The following TLN2 variants were observed in gnomAD, a reference collection of about 807,000 sequenced individuals.
TLN2 encodes the protein talin 2, also known as talin-2.
Under a neutral mutation model 294.7 loss-of-function variants are expected in TLN2, and 118 were observed. The ratio of observed to expected loss-of-function variants is 0.40; its 90% CI spans 0.34 to 0.47. The LOEUF is 0.47. TLN2 is among the 20% of genes least tolerant of loss of function. TLN2 has a pLI of 0.84. For missense variants in TLN2, 3,083 were observed against 3,282.2 expected, an observed-to-expected ratio of 0.94 and a Z score of 1.48; for synonymous variants, 1,431 against 1,304.5, an observed-to-expected ratio of 1.10 and a Z score of -2.09.
intron 5 of TLN2, among the ~76,000 whole-genome samples, chr15:62,651,002 T>A (rs993079027): frequency 6.6e-6 from 1 of 152,184 alleles, no homozygotes; most frequent in Admixed American, 6.5e-5. Context: ...ATGATGAGGA[T>A]GCTATTTATG....
intron 1 of TLN2, among the ~76,000 whole-genome samples, chr15:62,409,113 G>C (rs1205030104): frequency 6.6e-6 from 1 of 151,724 alleles, no homozygotes; most frequent in African/African-American, 2.4e-5. Flanking sequence ...AAGTAGCTGG[G>C]ACCACAGGTG....
chr15:62,519,333 T>A (rs1021174378), intron 1 of TLN2, among the ~76,000 whole-genome samples: 4 of 152,236 alleles, frequency 2.6e-5, no homozygotes, highest in Non-Finnish European at 4.4e-5. Flanking sequence ...TAAATATTAA[T>A]GACAGCCCAA....
intron 1 of TLN2, among the ~76,000 whole-genome samples, chr15:62,426,221 G>T (rs2034699072): frequency 6.6e-6 from 1 of 152,208 alleles, no homozygotes; most frequent in Non-Finnish European, 1.5e-5. Context: ...TGAGGGGGCT[G>T]CCAAGTGCCT....
At chr15:62,457,274 G>A (rs1407801681) in intron 1 of TLN2, among the ~76,000 whole-genome samples, 1 of 152,156 alleles carries the variant, frequency 6.6e-6, no homozygotes, top group African/African-American at 2.4e-5. Context: ...GAGCGTGCGA[G>A]CGTGCATGCA....
chr15:62,451,506 A>C (rs151122390), intron 1 of TLN2, among the ~76,000 whole-genome samples: 1,743 of 152,288 alleles, frequency 0.011, 27 homozygotes, highest in African/African-American at 0.039. Context: ...AAATACAAAA[A>C]ATTAGCTAGG....
chr15:62,485,755 C>T (rs1387705290), intron 1 of TLN2, among the ~76,000 whole-genome samples: 1 of 152,162 alleles, frequency 6.6e-6, no homozygotes, highest in Non-Finnish European at 1.5e-5. Context: ...CGCTTCCTGG[C>T]TCAATCTGTG....
chr15:62,820,245 C>G (rs1170023437), intron 53 of TLN2, among the ~76,000 whole-genome samples: 1 of 152,090 alleles, frequency 6.6e-6, no homozygotes, highest in Non-Finnish European at 1.5e-5. Context: ...TTTGAAGCTG[C>G]TTGGTGACTG....
At chr15:62,682,459 C>T (rs1007870425) in intron 11 of TLN2, among the ~76,000 whole-genome samples, 6 of 152,154 alleles carry the variant, frequency 3.9e-5, no homozygotes, top group Non-Finnish European at 2.9e-5. Flanking sequence ...CAGCAGTATT[C>T]TCAGTGGCTA....
intron 40 of TLN2, among the ~76,000 whole-genome samples, chr15:62,765,193 T>C (rs6494351): frequency 0.15 from 22,118 of 152,092 alleles, 2,542 homozygotes; most frequent in African/African-American, 0.29. Context: ...TGGAATATTC[T>C]TGTGTTCTTG....
chr15:62,776,245 A>G (rs1018472822), intron 42 of TLN2, among the ~76,000 whole-genome samples: 6 of 152,092 alleles, frequency 3.9e-5, no homozygotes, highest in African/African-American at 1.4e-4. Flanking sequence ...CATTTCTCCA[A>G]CCTCATGGCA....
At chr15:62,784,289 G>A in intron 45 of TLN2, 1 of 317,618 alleles carries the variant, frequency 3.1e-6, no homozygotes, top group Non-Finnish European at 5.7e-6. Context: ...CAGAAGTGTT[G>A]AAAGATTCAA....
At position 62,689,877 on chromosome 15, in the gene TLN2, T is replaced by TTTTTTTTTTTTTTTTTTTTTTA. The variant is rs71131119; in HGVS notation, c.1114-2963_1114-2962insTTTTTTTTTTTTTTTTTTTTTA. 1.5e-3 allele frequency among the ~76,000 whole-genome samples: 15 copies of TTTTTTTTTTTTTTTTTTTTTTA among 9,848 alleles called. 6 individuals carry two copies. Among genetic ancestry groups the TTTTTTTTTTTTTTTTTTTTTTA allele is most frequent in the Non-Finnish European group, 2.9e-3 (10 of 3,428 alleles). The allele number at this position is 9,848 out of a possible 152,430, so 6.5% of individuals were successfully genotyped here. On this transcript the variant is annotated intron_variant, in intron 12 of 58. Coordinates refer to ENST00000636159, the MANE Select transcript of TLN2 (RefSeq NM_015059.3). ...TTTTTTTTTTTTTTTTTTTTTTTTTTATTGGCTGACCCCCCTTCCTCCCTC... is the reference window on the plus strand; with the variant it reads ...TTTTTTTTTTTTTTTTTTTTTTTTTTTTTTTTTTTTTTTTTTTTTTTAATTGGCTGACCCCCCTTCCTCCCTC...
chr15:62,411,163 C>G (rs576196830), intron 1 of TLN2, among the ~76,000 whole-genome samples: 1 of 152,250 alleles, frequency 6.6e-6, no homozygotes, highest in African/African-American at 2.4e-5. Flanking sequence ...GGCATTAAAA[C>G]AAACCAAAGA....
At chr15:62,673,761 TCTTTG>T in intron 9 of TLN2, 61 bp from the exon 10 acceptor site, 1 of 1,287,850 alleles carries the variant, frequency 7.8e-7, no homozygotes, top group African/African-American at 1.5e-5. Flanking sequence ...TTATTAAATG[TCTTTG>T]CTTTGCTTCT....
intron 1 of TLN2, among the ~76,000 whole-genome samples, chr15:62,575,234 C>T (rs879488766): frequency 6.6e-6 from 1 of 152,082 alleles, no homozygotes; most frequent in Non-Finnish European, 1.5e-5. Flanking sequence ...GTGGGAGGAT[C>T]GCTTGAGCCT....
At position 62,677,806 on chromosome 15, in the gene TLN2, C is replaced by CTTTTTTTTTTTTTTTTTTTTTTTTTT. The variant is rs3055781; in HGVS notation, c.957+2500_957+2501insTTTTTTTTTTTTTTTTTTTTTTTTTT. Among the ~76,000 whole-genome samples, 2 of 75,252 alleles carry CTTTTTTTTTTTTTTTTTTTTTTTTTT rather than the reference C, an allele frequency of 2.7e-5. 1 individual carries two copies. 49.4% of individuals were successfully genotyped at this position (75,252 alleles called of 152,430 possible). A position where few individuals can be genotyped will look rare whatever the true frequency, so the allele number is the denominator to read the frequency against. On this transcript the variant is annotated intron_variant, in intron 11 of 58. Transcript: ENST00000636159. ...TTAAGAAAGTAGGCAGCACTTGCAA[C>CTTTTTTTTTTTTTTTTTTTTTTTTTT]TTTTTTTTTTTTTTTGAGACGGAGA...
At chr15:62,640,399 C>T (rs1404051455) in intron 3 of TLN2, 3 of 455,164 alleles carry the variant, frequency 6.6e-6, no homozygotes, top group South Asian at 4.7e-5. Context: ...GTGGCCAGCT[C>T]TTACTCTTGT....
chr15:62,799,050 T>C (rs1025702988), intron 48 of TLN2, among the ~76,000 whole-genome samples: 14 of 152,156 alleles, frequency 9.2e-5, no homozygotes, highest in African/African-American at 3.1e-4. Context: ...GAGATCCCAG[T>C]TTATCTTCAA....
intron 46 of TLN2, among the ~76,000 whole-genome samples, chr15:62,794,136 T>C (rs1359034330): frequency 6.6e-6 from 1 of 152,086 alleles, no homozygotes; most frequent in Non-Finnish European, 1.5e-5. Context: ...AGCTACATAG[T>C]GTTTGTAGGC....
Sources: gnomAD v4.1 joint callset for allele counts (sites outside exome capture counted in the v4.1 genomes callset) on GRCh38, gnomAD v4.1.1 for gene constraint, MANE v1.5 for transcripts, NCBI Gene and HGNC (gene_info 2026-07-23, HGNC 2026-07-21) for gene names.